KDM4C: variants seen among roughly 807,000 people sequenced by gnomAD.
KDM4C encodes lysine-specific demethylase 4C.
A neutral mutation model predicts 129.3 loss-of-function variants in KDM4C; 81 were observed. The observed-to-expected ratio is 0.63, with a 90% confidence interval of 0.52 to 0.75. The LOEUF (loss-of-function observed/expected upper bound fraction) is 0.75. KDM4C is among the 30% of genes least tolerant of loss of function. KDM4C has a pLI of 0.00. For synonymous variants in KDM4C, 573 were observed against 456.1 expected (o/e 1.26, Z -3.26); for missense variants, 1,457 against 1,304.0 (o/e 1.12, Z -1.81).
At chr9:7,130,326 A>G (rs940621145) in intron 19 of KDM4C, among the ~76,000 whole-genome samples, 2 of 152,218 alleles carry the variant, frequency 1.3e-5, no homozygotes, top group African/African-American at 4.8e-5. Context: ...TCATAAGCCT[A>G]TACACACCAT....
chr9:6,773,053 G>A (rs1822226923), intron 1 of KDM4C, among the ~76,000 whole-genome samples: 1 of 151,630 alleles, frequency 6.6e-6, no homozygotes. Context: ...AGGCTAGAGT[G>A]GAGTGGTGAG....
chr9:7,082,211 C>A, intron 17 of KDM4C, among the ~76,000 whole-genome samples: 1 of 152,168 alleles, frequency 6.6e-6, no homozygotes, highest in South Asian at 2.1e-4. Flanking sequence ...ATGAATCCTC[C>A]TGGAATGGGC....
rs773393001 is a variant in KDM4C, at chr9:7,174,582, C to T, written c.3024C>T (p.Asp1008=). ...CAGCCTCTGACATGCGATTTGAAGA[C>T]ACGTTTTATGGAGCAGACATTATCC... ...FSTASDMRFE[D]TFYGADIIQG... The change falls in exon 22 of 22, where the codon GAC becomes GAT. Residue 1008 remains aspartate (D), a synonymous_variant. Coordinates refer to ENST00000381309, the MANE Select transcript of KDM4C (RefSeq NM_015061.6). 1.2e-5 allele frequency: 19 copies of T among 1,614,034 alleles called. No homozygotes were observed. Among genetic ancestry groups the T allele is most frequent in the South Asian group, 3.3e-5 (3 of 91,090 alleles).
intron 5 of KDM4C, among the ~76,000 whole-genome samples, chr9:6,851,572 C>T (rs1376217236): frequency 1.3e-5 from 2 of 152,064 alleles, no homozygotes; most frequent in Non-Finnish European, 2.9e-5. Context: ...CAACTACATA[C>T]TATGTCTTGC....
chr9:6,727,863 C>T (rs1402637397), intron 1 of KDM4C, among the ~76,000 whole-genome samples: 3 of 150,396 alleles, frequency 2.0e-5, no homozygotes, highest in Non-Finnish European at 4.4e-5. Context: ...CCTGAAATCA[C>T]ATGCCTATGT....
intron 15 of KDM4C, among the ~76,000 whole-genome samples, chr9:7,026,114 G>C (rs1258294761): frequency 6.6e-6 from 1 of 151,840 alleles, no homozygotes; most frequent in Non-Finnish European, 1.5e-5. Flanking sequence ...GCTGAGGCAG[G>C]AGATCGCTTG....
intron 5 of KDM4C, among the ~76,000 whole-genome samples, chr9:6,854,515 A>C (rs1359691913): frequency 1.5e-5 from 2 of 136,722 alleles, no homozygotes; most frequent in African/African-American, 2.7e-5. Flanking sequence ...ACAAGAGCGA[A>C]ACTCCGTCTC....
chr9:6,890,751 T>C (rs1846003390), intron 7 of KDM4C, among the ~76,000 whole-genome samples: 1 of 152,172 alleles, frequency 6.6e-6, no homozygotes, highest in Admixed American at 6.5e-5. Context: ...GTCCTCCCTC[T>C]CCTCTCACCT....
intron 8 of KDM4C, among the ~76,000 whole-genome samples, chr9:6,946,472 C>T (rs1826987069): frequency 1.3e-5 from 2 of 152,054 alleles, no homozygotes; most frequent in South Asian, 4.1e-4. Flanking sequence ...GAGAGCATTA[C>T]TTATAGTTTT....
At chr9:7,149,068 T>C (rs78893358) in intron 19 of KDM4C, among the ~76,000 whole-genome samples, 1,637 of 152,328 alleles carry the variant, frequency 0.011, 39 homozygotes, top group African/African-American at 0.037. Flanking sequence ...CTGCCACTTA[T>C]GGCACCCAGG....
intron 12 of KDM4C, among the ~76,000 whole-genome samples, chr9:7,010,833 C>T (rs1822543565): frequency 6.6e-6 from 1 of 152,096 alleles, no homozygotes; most frequent in Non-Finnish European, 1.5e-5. Context: ...CACCTGAGGT[C>T]AGGAGTTCTA....
intron 8 of KDM4C, among the ~76,000 whole-genome samples, chr9:6,940,968 G>C (rs1387107696): frequency 1.3e-5 from 2 of 151,712 alleles, no homozygotes; most frequent in Admixed American, 1.3e-4. Context: ...ACTTAATAAT[G>C]CAACCTCAAA....
Position 7,074,592 on chromosome 9 carries a change from A to C in KDM4C, c.2424+25392A>C, listed in dbSNP as rs1355843472. On this transcript the variant is annotated intron_variant, in intron 17 of 21. Coordinates refer to ENST00000381309, the MANE Select transcript of KDM4C (RefSeq NM_015061.6). ...TCAGCTTATAAGTAAGTTTTGATCA[A>C]GTCCACGTGACTGTCTTTATATTAT... Among the ~76,000 whole-genome samples the C allele has an allele frequency of 2.0e-5, 3 of 152,232 alleles. No individual in the cohort carries two copies. The East Asian group carries it at 5.8e-4, about 29-fold the overall frequency.
At chr9:6,810,634 G>A (rs971985575) in intron 3 of KDM4C, among the ~76,000 whole-genome samples, 8 of 152,132 alleles carry the variant, frequency 5.3e-5, no homozygotes, top group African/African-American at 1.9e-4. Flanking sequence ...CACTTTGGGA[G>A]GCTGAGGTTG....
chr9:6,867,901 C>G (rs1211206327), intron 5 of KDM4C, among the ~76,000 whole-genome samples: 1 of 152,144 alleles, frequency 6.6e-6, no homozygotes, highest in Non-Finnish European at 1.5e-5. Context: ...GAATTAAAAT[C>G]TTACATGGAA....
At chr9:6,986,316 T>A in intron 10 of KDM4C, 28 bp from the exon 11 acceptor site, 1 of 1,503,284 alleles carries the variant, frequency 6.7e-7, no homozygotes, top group Non-Finnish European at 9.1e-7. Context: ...GTGCATGATT[T>A]ATTAACAGTC....
At chr9:6,807,763 C>T (rs1171011264) in intron 3 of KDM4C, among the ~76,000 whole-genome samples, 1 of 144,056 alleles carries the variant, frequency 6.9e-6, no homozygotes, top group Non-Finnish European at 1.5e-5. Context: ...CGTCTCCGCC[C>T]GGCAGCCACC....
chr9:6,769,489 C>G (rs1013485617), intron 1 of KDM4C, among the ~76,000 whole-genome samples: 1 of 152,144 alleles, frequency 6.6e-6, no homozygotes, highest in Non-Finnish European at 1.5e-5. Context: ...ATTTCCATTT[C>G]TAAGTCTTGG....
chr9:6,923,830 C>T (rs2131233392), intron 8 of KDM4C, among the ~76,000 whole-genome samples: 1 of 152,196 alleles, frequency 6.6e-6, no homozygotes, highest in South Asian at 2.1e-4. Context: ...TTTTTGGGGG[C>T]AGAGAACCAA....
Sources: allele counts gnomAD v4.1 joint callset (sites outside exome capture counted in the v4.1 genomes callset), GRCh38; gene constraint gnomAD v4.1.1; transcripts MANE v1.5; gene names NCBI Gene and HGNC (gene_info 2026-07-23, HGNC 2026-07-21).